Variants in HERC4 observed in about 807,000 individuals in gnomAD.
HERC4 encodes the protein HECT and RLD domain containing E3 ubiquitin protein ligase 4.
Under a neutral mutation model 124.3 loss-of-function variants are expected in HERC4, and 28 were observed. The observed-to-expected ratio is 0.23, with a 90% confidence interval of 0.17 to 0.31. The LOEUF (loss-of-function observed/expected upper bound fraction) is 0.31. Among genes scored for constraint, HERC4 ranks in the 10% least tolerant of loss-of-function variants. HERC4 has a pLI of 1.00. For synonymous variants in HERC4, 407 were observed against 421.5 expected, an observed-to-expected ratio of 0.97 and a Z score of 0.42; for missense variants, 713 against 1,229.3, an observed-to-expected ratio of 0.58 and a Z score of 6.28.
intron 16 of HERC4, among the ~76,000 whole-genome samples, chr10:67,962,599 G>A (rs1201527621): frequency 6.6e-6 from 1 of 152,056 alleles, no homozygotes; most frequent in African/African-American, 2.4e-5. Flanking sequence ...TTTTCTAAGA[G>A]AGAGAGGCAC....
chr10:68,039,326 A>C (rs868005325), intron 4 of HERC4: 4 of 1,468,854 alleles, frequency 2.7e-6, no homozygotes, highest in Middle Eastern at 3.8e-4. Flanking sequence ...AAAAAAAAAA[A>C]AAAAAAAAGA....
At chr10:68,014,752 C>T (rs2038162857) in intron 8 of HERC4, among the ~76,000 whole-genome samples, 1 of 152,152 alleles carries the variant, frequency 6.6e-6, no homozygotes, top group African/African-American at 2.4e-5. Context: ...ACCTAAGAAA[C>T]CACAGATCTG....
intron 15 of HERC4, among the ~76,000 whole-genome samples, chr10:67,976,696 C>T (rs763519056): frequency 1.3e-5 from 2 of 152,172 alleles, no homozygotes; most frequent in African/African-American, 2.4e-5. Context: ...CCTCTCCCAG[C>T]CCCTGGCAGA....
intron 3 of HERC4, among the ~76,000 whole-genome samples, chr10:68,062,742 A>G (rs1589459693): frequency 6.6e-6 from 1 of 152,242 alleles, no homozygotes; most frequent in East Asian, 1.9e-4. Context: ...CCTGGGCAAC[A>G]GAATGAGACT....
chr10:68,069,997 G>A (rs1428332019), intron 3 of HERC4: 5 of 723,948 alleles, frequency 6.9e-6, no homozygotes, highest in Middle Eastern at 7.1e-4. Context: ...AGCAGAGATC[G>A]TGCCACTGCA....
intron 9 of HERC4, among the ~76,000 whole-genome samples, chr10:68,009,321 C>T (rs771483273): frequency 4.0e-5 from 6 of 151,712 alleles, no homozygotes; most frequent in African/African-American, 7.3e-5. Flanking sequence ...GTTAATGTGG[C>T]CCCAGCTGGT....
intron 15 of HERC4, among the ~76,000 whole-genome samples, chr10:67,985,028 C>T (rs543483496): frequency 1.2e-3 from 183 of 152,158 alleles, no homozygotes; most frequent in African/African-American, 4.1e-3. Flanking sequence ...ATGATATATA[C>T]GTTTTTGAAA....
At chr10:68,038,028 A>C in intron 5 of HERC4, 65 bp downstream of exon 5, 1 of 866,002 alleles carries the variant, frequency 1.2e-6, no homozygotes, top group Non-Finnish European at 1.8e-6. Context: ...GGAGAACTAT[A>C]TGCACAATCA....
intron 15 of HERC4, among the ~76,000 whole-genome samples, chr10:67,984,070 G>A (rs1326355447): frequency 6.6e-6 from 1 of 152,126 alleles, no homozygotes; most frequent in Non-Finnish European, 1.5e-5. Context: ...GGGAGGCTGA[G>A]GCAGGTGGAT....
In HERC4 at chr10:68,025,808, C is replaced by T. The variant is rs114411536; in HGVS notation, c.778-132G>A. 1.6e-4 allele frequency: 123 copies of T among 746,500 alleles called. No individual in the cohort carries two copies. In the African/African-American group the frequency reaches 2.0e-3, roughly 12 times the overall value. The allele number at this position is 746,500 out of a possible 1,614,324, so 46.2% of individuals were successfully genotyped here. Reference sequence around the variant, plus strand: ...TCTAAGAACTGTCTTCACAATTTAACAGACAGATGGCTCTTTCAAAGTAAA... The same window carrying T: ...TCTAAGAACTGTCTTCACAATTTAATAGACAGATGGCTCTTTCAAAGTAAA... On this transcript the variant is annotated intron_variant, in intron 7 of 24. Transcript: ENST00000373700.
chr10:67,963,585 C>T (rs186660121), intron 16 of HERC4, among the ~76,000 whole-genome samples: 2 of 152,222 alleles, frequency 1.3e-5, no homozygotes, highest in East Asian at 3.9e-4. Flanking sequence ...GAGTTTAGAA[C>T]TAGTTTAATG....
chr10:68,049,817 G>A (rs1170600414), intron 3 of HERC4, among the ~76,000 whole-genome samples: 1 of 151,792 alleles, frequency 6.6e-6, no homozygotes, highest in Admixed American at 6.6e-5. Context: ...GAATTGAGGT[G>A]GGAGGATCTC....
At chr10:68,019,153 C>T (rs528080959) in intron 8 of HERC4, among the ~76,000 whole-genome samples, 44 of 151,992 alleles carry the variant, frequency 2.9e-4, no homozygotes, top group African/African-American at 8.4e-4. Flanking sequence ...TGTGCCACCA[C>T]GCCCGACTAA....
intron 4 of HERC4, among the ~76,000 whole-genome samples, chr10:68,043,764 C>A (rs60065272): frequency 0.078 from 11,906 of 151,686 alleles, 1,232 homozygotes; most frequent in African/African-American, 0.24. Context: ...TGCAGTGAGC[C>A]GAGATCACAC....
In HERC4 at chr10:68,056,278, C is replaced by T. The variant is rs575699705; in HGVS notation, c.227-11715G>A. Among the ~76,000 whole-genome samples, 203 of 152,218 alleles carry T rather than the reference C, an allele frequency of 1.3e-3. 1 individual carries two copies. Among genetic ancestry groups the T allele is most frequent in the African/African-American group, 4.6e-3 (191 of 41,534 alleles). On this transcript the variant is annotated intron_variant, in intron 3 of 24. Transcript: ENST00000373700. ...TCGCTCTAATGTAGCTGATGGTGAT[C>T]AAGTTCATTAAAACAAGAGTCTATG... is the stretch of plus-strand genomic sequence containing the variant.
intron 3 of HERC4, among the ~76,000 whole-genome samples, chr10:68,047,399 C>T (rs939351993): frequency 1.3e-5 from 2 of 152,038 alleles, no homozygotes; most frequent in Non-Finnish European, 2.9e-5. Context: ...ATGGGTTAAG[C>T]TTGAATAAAA....
At chr10:67,976,850 T>C (rs1471964622) in intron 15 of HERC4, among the ~76,000 whole-genome samples, 1 of 152,176 alleles carries the variant, frequency 6.6e-6, no homozygotes, top group Non-Finnish European at 1.5e-5. Context: ...AGAGGGAGCA[T>C]TAAAACCCAG....
chr10:68,041,520 A>C (rs978484356), intron 4 of HERC4, among the ~76,000 whole-genome samples: 1 of 152,172 alleles, frequency 6.6e-6, no homozygotes, highest in African/African-American at 2.4e-5. Context: ...CCAAGCTAAT[A>C]ATTCAAATAT....
At chr10:67,974,099 C>T (rs1417096086) in intron 15 of HERC4, among the ~76,000 whole-genome samples, 5 of 143,640 alleles carry the variant, frequency 3.5e-5, no homozygotes, top group Admixed American at 2.9e-4. Context: ...CACACACACA[C>T]ACACACACAC....
Sources: allele counts gnomAD v4.1 joint callset (sites outside exome capture counted in the v4.1 genomes callset), GRCh38; gene constraint gnomAD v4.1.1; transcripts MANE v1.5; gene names NCBI Gene and HGNC (gene_info 2026-07-23, HGNC 2026-07-21).